Variants in LYRM4 observed in about 807,000 individuals in gnomAD.
The protein encoded by LYRM4 is LYR motif containing 4.
A neutral mutation model predicts 11.7 loss-of-function variants in LYRM4; 9 were observed. That is an observed-to-expected ratio of 0.77 (90% CI 0.46 to 1.34). The LOEUF is 1.34. Ranked by LOEUF, LYRM4 falls within the 40% of genes most tolerant of loss-of-function variation. LYRM4 has a pLI of 0.00. For synonymous variants in LYRM4, 42 were observed against 40.4 expected (o/e 1.04, Z -0.15); for missense variants, 133 against 112.5 (o/e 1.18, Z -0.82).
At chr6:5,249,469 C>T (rs9405261) in intron 1 of LYRM4, among the ~76,000 whole-genome samples, 43,621 of 151,988 alleles carry the variant, frequency 0.29, 7,890 homozygotes, top group African/African-American at 0.51. Flanking sequence ...GTGATTTTTG[C>T]TTTTTTTATC....
intron 2 of LYRM4, among the ~76,000 whole-genome samples, chr6:5,146,782 A>G (rs1757752894): frequency 6.6e-6 from 1 of 152,146 alleles, no homozygotes. Context: ...AGAAGACAAG[A>G]CTCAGGGGCT....
intron 2 of LYRM4, chr6:5,113,522 G>A: frequency 3.4e-6 from 1 of 291,222 alleles, no homozygotes; most frequent in Non-Finnish European, 6.9e-6. Context: ...TGCCCTGAAG[G>A]GGGACCCACC....
intron 2 of LYRM4, among the ~76,000 whole-genome samples, chr6:5,128,795 A>G (rs913330321): frequency 6.6e-6 from 1 of 152,122 alleles, no homozygotes; most frequent in East Asian, 1.9e-4. Flanking sequence ...GCTTTTATTT[A>G]CATTTTTTTG....
intron 2 of LYRM4, among the ~76,000 whole-genome samples, chr6:5,121,229 A>G (rs1329063192): frequency 2.0e-5 from 3 of 152,224 alleles, no homozygotes; most frequent in Non-Finnish European, 4.4e-5. Context: ...ACCAGGGGAC[A>G]GAAGTATCTT....
At chr6:5,243,768 C>T (rs1236652255) in intron 1 of LYRM4, among the ~76,000 whole-genome samples, 2 of 152,108 alleles carry the variant, frequency 1.3e-5, no homozygotes, top group Non-Finnish European at 2.9e-5. Context: ...TTTTTCCATA[C>T]TTTATCTTTC....
Position 5,216,709 on chromosome 6 carries a change from G to C in LYRM4, c.116C>G (p.Ala39Gly), listed in dbSNP as rs750808964. ...RTYAVRRIRD[A>G]FRENKNVKDP... ...CTTTACATTTTTATTTTCTCTGAAG[G>C]CATCTCTTATCCTCCTGACAGCATA... The change falls in exon 2 of 3, where the codon GCC (alanine) becomes GGC (glycine). Residue 39 changes from alanine (A) to glycine (G), a missense_variant. Physicochemically the swap from Ala to Gly is moderately conservative, Grantham distance 60. Coordinates refer to ENST00000330636, the MANE Select transcript of LYRM4 (RefSeq NM_020408.6). 9.9e-6 allele frequency: 16 copies of C among 1,613,214 alleles called. No homozygotes were observed. In the East Asian group the frequency reaches 2.7e-4, roughly 27 times the overall value.
At position 5,185,975 on chromosome 6, in the gene LYRM4, G is replaced by T. The variant is rs73363046; in HGVS notation, c.207+30643C>A. 1.1e-3 allele frequency among the ~76,000 whole-genome samples: 164 copies of T among 152,286 alleles called. 3 individuals carry two copies. Among genetic ancestry groups the T allele is most frequent in the African/African-American group, 3.8e-3 (158 of 41,550 alleles). ...GAGAGCCTCCTGGAGTGGCCAGCCA[G>T]AATGGTCAGACGCTTTGGACAGGTC... On this transcript the variant is annotated intron_variant, in intron 2 of 2. Coordinates refer to ENST00000330636, the MANE Select transcript of LYRM4 (RefSeq NM_020408.6).
At chr6:5,216,094 A>T (rs971659741) in intron 2 of LYRM4, among the ~76,000 whole-genome samples, 1 of 151,970 alleles carries the variant, frequency 6.6e-6, no homozygotes, top group Non-Finnish European at 1.5e-5. Flanking sequence ...GAAAACTAAC[A>T]CACCCTCCAG....
chr6:5,155,660 C>T (rs905640949), intron 2 of LYRM4, among the ~76,000 whole-genome samples: 9 of 152,214 alleles, frequency 5.9e-5, no homozygotes, highest in Non-Finnish European at 1.2e-4. Flanking sequence ...GATTCTCACA[C>T]TGGTCCTGCC....
At chr6:5,200,221 A>G (rs758495075) in intron 2 of LYRM4, among the ~76,000 whole-genome samples, 7 of 152,156 alleles carry the variant, frequency 4.6e-5, no homozygotes, top group Non-Finnish European at 1.0e-4. Context: ...ATCAGCCACA[A>G]TTTGTATGGG....
chr6:5,202,401 A>G lies in LYRM4; in HGVS notation c.207+14217T>C, dbSNP rs1246667098. 2.0e-5 allele frequency among the ~76,000 whole-genome samples: 3 copies of G among 152,160 alleles called. No homozygotes were observed. In the East Asian group the frequency reaches 5.8e-4, roughly 29 times the overall value. On this transcript the variant is annotated intron_variant, in intron 2 of 2. Transcript: ENST00000330636. ...TATGTGGTTCCTGGACTTGCCTTTGATGTTCCAACTTCCAGGGGCAGCCTG... is the reference window on the plus strand; with the variant it reads ...TATGTGGTTCCTGGACTTGCCTTTGGTGTTCCAACTTCCAGGGGCAGCCTG...
At chr6:5,192,917 T>C (rs558306238) in intron 2 of LYRM4, among the ~76,000 whole-genome samples, 2 of 152,220 alleles carry the variant, frequency 1.3e-5, no homozygotes, top group East Asian at 3.9e-4. Flanking sequence ...TCCCAGCTAC[T>C]CGGGAGGCTG....
chr6:5,134,121 T>C (rs1764081212), intron 2 of LYRM4, among the ~76,000 whole-genome samples: 1 of 152,242 alleles, frequency 6.6e-6, no homozygotes, highest in African/African-American at 2.4e-5. Context: ...GTGAAATTGC[T>C]GGGTCATATG....
chr6:5,066,785 G>C, the LYRM4 span: 1 of 736,208 alleles, frequency 1.4e-6, no homozygotes, highest in Non-Finnish European at 2.4e-6. Flanking sequence ...CTAAGATGGA[G>C]TTTAACACCC....
intron 2 of LYRM4, among the ~76,000 whole-genome samples, chr6:5,143,870 T>TGGG (rs1222788715): frequency 4.6e-5 from 7 of 152,224 alleles, no homozygotes; most frequent in African/African-American, 1.7e-4. Context: ...GGAAGGTGGC[T>TGGG]CTTCACAGCT....
At chr6:5,042,417 G>C in the LYRM4 span, 2 of 152,356 alleles carry the variant, frequency 1.3e-5, no homozygotes, top group Admixed American at 6.5e-5. Flanking sequence ...TTACAGATTT[G>C]GCTGCTGTGT....
chr6:5,083,954 C>T, the LYRM4 span, among the ~76,000 whole-genome samples: 8 of 152,300 alleles, frequency 5.3e-5, no homozygotes, highest in South Asian at 1.7e-3. Flanking sequence ...CTTCCAGGCC[C>T]CAGCCCAAGC....
chr6:5,131,502 C>A (rs1763950820), intron 2 of LYRM4, among the ~76,000 whole-genome samples: 1 of 152,208 alleles, frequency 6.6e-6, no homozygotes, highest in South Asian at 2.1e-4. Flanking sequence ...GAGTTTGAGA[C>A]CAACTTGGCC....
chr6:5,204,918 C>T (rs1561869232), intron 2 of LYRM4, among the ~76,000 whole-genome samples: 2 of 152,224 alleles, frequency 1.3e-5, no homozygotes, highest in African/African-American at 4.8e-5. Flanking sequence ...TAGGTGAAGA[C>T]TTCTGGCCAG....
Sources: allele counts gnomAD v4.1 joint callset (sites outside exome capture counted in the v4.1 genomes callset), GRCh38; gene constraint gnomAD v4.1.1; transcripts MANE v1.5; gene names NCBI Gene and HGNC (gene_info 2026-07-23, HGNC 2026-07-21).